Variants in RABEP1 observed in about 807,000 individuals in gnomAD.
RABEP1 encodes rabaptin, RAB GTPase binding effector protein 1, also known as rab GTPase-binding effector protein 1.
In RABEP1, 51 loss-of-function variants were observed where a neutral mutation model predicts 123.4. The ratio of observed to expected loss-of-function variants is 0.41; its 90% CI spans 0.33 to 0.52. RABEP1 has a LOEUF of 0.52. Among genes scored for constraint, RABEP1 ranks in the 20% least tolerant of loss-of-function variants. The probability of loss-of-function intolerance (pLI) is 0.16; values close to 1 mark genes in which losing one functional copy is unlikely to be tolerated. For missense variants in RABEP1, 888 were observed against 996.3 expected (o/e 0.89, Z 1.46); for synonymous variants, 347 against 355.2 (o/e 0.98, Z 0.26).
intron 7 of RABEP1, among the ~76,000 whole-genome samples, chr17:5,351,632 CAAT>C (rs936884109): frequency 4.5e-4 from 69 of 152,104 alleles, no homozygotes; most frequent in African/African-American, 1.4e-3. Context: ...TCTGTTTCTA[CAAT>C]AATAATAAGA....
In RABEP1 at chr17:5,361,390, C is replaced by T; in HGVS notation, c.1278C>T (p.Tyr426=). ...SLQSKALGYN[Y]KAKSAGNLDE... Reference sequence around the variant, plus strand: ...AATCCAAAGCTTTAGGCTATAACTACAAAGCAAAATCTGCTGGAAACCTGG... The same window carrying T: ...AATCCAAAGCTTTAGGCTATAACTATAAAGCAAAATCTGCTGGAAACCTGG... Residue 426 remains tyrosine (Y), a synonymous_variant, in exon 9 of 18, where the codon TAC becomes TAT. Transcript: ENST00000537505. 6.2e-7 allele frequency: 1 copy of T among 1,614,134 alleles called. No homozygotes were observed. Among genetic ancestry groups the T allele is most frequent in the Non-Finnish European group, 8.5e-7 (1 of 1,180,014 alleles).
intron 13 of RABEP1, 46 bp from the exon 14 acceptor site, chr17:5,377,070 C>G: frequency 6.6e-7 from 1 of 1,518,558 alleles, no homozygotes; most frequent in Non-Finnish European, 8.9e-7. Context: ...TTCTTTATTT[C>G]CTTTCACTCT....
chr17:5,354,551 A>G, intron 8 of RABEP1, 61 bp downstream of exon 8: 2 of 1,469,750 alleles, frequency 1.4e-6, no homozygotes, highest in East Asian at 2.4e-5. Flanking sequence ...TAGCTTACTC[A>G]TACATCAGTT....
At chr17:5,381,071 T>C (rs1911408754) in intron 16 of RABEP1, among the ~76,000 whole-genome samples, 1 of 152,198 alleles carries the variant, frequency 6.6e-6, no homozygotes, top group Non-Finnish European at 1.5e-5. Flanking sequence ...TGTATCCCTG[T>C]TGGTGTGACA....
intron 4 of RABEP1, chr17:5,336,577 A>G (rs904569357): frequency 7.2e-6 from 3 of 417,288 alleles, no homozygotes; most frequent in Non-Finnish European, 1.4e-5. Context: ...CTTGTTTTTA[A>G]TGACCTTTCT....
intron 1 of RABEP1, among the ~76,000 whole-genome samples, chr17:5,296,631 A>C (rs1335081637): frequency 6.6e-6 from 1 of 152,154 alleles, no homozygotes; most frequent in Non-Finnish European, 1.5e-5. Flanking sequence ...TGTTGAGGAC[A>C]GTTTAAGTAG....
At chr17:5,299,727 T>TTC (rs1161876929) in intron 1 of RABEP1, among the ~76,000 whole-genome samples, 2 of 115,912 alleles carry the variant, frequency 1.7e-5, no homozygotes, top group Admixed American at 1.7e-4. Context: ...TTCTTTTTCT[T>TTC]TTTCTTTTTT....
At chr17:5,371,029 C>G (rs977725725) in intron 12 of RABEP1, among the ~76,000 whole-genome samples, 3 of 151,560 alleles carry the variant, frequency 2.0e-5, no homozygotes, top group Non-Finnish European at 2.9e-5. Flanking sequence ...TGCAGTGGCG[C>G]GATCTCGGCT....
At position 5,348,803 on chromosome 17, in the gene RABEP1, C is replaced by T. The variant is rs141583904; in HGVS notation, c.785-1648C>T. On this transcript the variant is annotated intron_variant, in intron 6 of 17. Coordinates refer to ENST00000537505, the MANE Select transcript of RABEP1 (RefSeq NM_004703.6). ...GTCTCGATCCCCTGACCTCGTGATC[C>T]GCCCACCTCGGCCTCCCAGAGTGGT... Among the ~76,000 whole-genome samples the T allele has an allele frequency of 2.3e-4, 35 of 152,222 alleles. 1 individual carries two copies. The highest frequency in any genetic ancestry group is 2.1e-3 in the East Asian group (11 of 5,186).
chr17:5,330,554 A>G (rs887008479), intron 2 of RABEP1, among the ~76,000 whole-genome samples: 28 of 152,210 alleles, frequency 1.8e-4, no homozygotes, highest in Non-Finnish European at 7.3e-5. Flanking sequence ...AGGCTTGAGA[A>G]TCTTGTGATT....
Position 5,373,466 on chromosome 17 carries a change from T to C in RABEP1, c.2025+12T>C, listed in dbSNP as rs569216850. On this transcript the variant is annotated intron_variant, in intron 13 of 17. Transcript: ENST00000537505. ...CAGACACTACAGAGGTAACTTACTT[T>C]CCACATGATCAAAAATGTCAACAAG... The C allele has an allele frequency of 1.9e-6, 3 of 1,584,190 alleles. No individual in the cohort carries two copies. The East Asian group carries it at 6.8e-5, about 36-fold the overall frequency.
chr17:5,378,542 A>G (rs1057488870), intron 15 of RABEP1: 7 of 384,354 alleles, frequency 1.8e-5, no homozygotes, highest in African/African-American at 1.5e-4. Context: ...CAGTAGAAAT[A>G]TGTATAAAAA....
At chr17:5,298,040 T>C (rs1348184831) in intron 1 of RABEP1, among the ~76,000 whole-genome samples, 1 of 152,218 alleles carries the variant, frequency 6.6e-6, no homozygotes, top group Non-Finnish European at 1.5e-5. Flanking sequence ...TTCATCCACA[T>C]GTAGGCAGAT....
chr17:5,310,258 AT>A (rs759352789), intron 2 of RABEP1, among the ~76,000 whole-genome samples: 31 of 145,214 alleles, frequency 2.1e-4, no homozygotes, highest in South Asian at 4.4e-4. Flanking sequence ...GAAGGATAAA[AT>A]TTTATATTGT....
At chr17:5,286,666 CTATT>C (rs1026554657) in intron 1 of RABEP1, among the ~76,000 whole-genome samples, 5 of 152,144 alleles carry the variant, frequency 3.3e-5, no homozygotes, top group Admixed American at 3.3e-4. Context: ...ACACACAAAA[CTATT>C]TATTCATCTA....
intron 11 of RABEP1, among the ~76,000 whole-genome samples, chr17:5,367,015 G>C (rs1005994933): frequency 2.0e-5 from 3 of 151,118 alleles, no homozygotes; most frequent in African/African-American, 7.3e-5. Context: ...CTTGAACCCG[G>C]GAGGCGGAGG....
intron 10 of RABEP1, among the ~76,000 whole-genome samples, chr17:5,363,992 A>C (rs1161398215): frequency 6.6e-6 from 1 of 152,228 alleles, no homozygotes; most frequent in African/African-American, 2.4e-5. Flanking sequence ...GGTTGTTATG[A>C]AGATTGTTCC....
intron 2 of RABEP1, among the ~76,000 whole-genome samples, chr17:5,318,439 C>G (rs1289398787): frequency 2.0e-5 from 3 of 152,070 alleles, no homozygotes; most frequent in African/African-American, 4.8e-5. Context: ...AAAAAGATTA[C>G]TAACGAGAAA....
chr17:5,360,933 C>G (rs1909462723), intron 8 of RABEP1: 1 of 385,248 alleles, frequency 2.6e-6, no homozygotes, highest in African/African-American at 2.0e-5. Context: ...CCTTTTATCA[C>G]AGTATTATAA....
Sources: allele counts gnomAD v4.1 joint callset (sites outside exome capture counted in the v4.1 genomes callset), GRCh38; gene constraint gnomAD v4.1.1; transcripts MANE v1.5; gene names NCBI Gene and HGNC (gene_info 2026-07-23, HGNC 2026-07-21).